Variants in SLC35F4 observed in about 807,000 individuals in gnomAD.
The protein encoded by SLC35F4 is solute carrier family 35 member F4.
Under a neutral mutation model 44.2 loss-of-function variants are expected in SLC35F4, and 24 were observed. The observed-to-expected ratio is 0.54, with a 90% CI of 0.39 to 0.76. SLC35F4 has a LOEUF of 0.76. Ranked by LOEUF, SLC35F4 falls within the 30% of genes least tolerant of loss-of-function variation. The pLI is 0.00. For synonymous variants in SLC35F4, 238 were observed against 223.6 expected (o/e 1.06, Z -0.57); for missense variants, 562 against 586.1 (o/e 0.96, Z 0.42).
rs76177525 is a variant in SLC35F4 at position 57,962,984 on chromosome 14, A to C, written n.282+18929T>G. 9.9e-3 allele frequency among the ~76,000 whole-genome samples: 1,515 copies of C among 152,284 alleles called. 11 individuals carry two copies. Among genetic ancestry groups the C allele is most frequent in the Middle Eastern group, 0.017 (5 of 294 alleles). ...CTAAATAGGGGGGAAAAAAGAAAAA[A>C]AATACTGCTCTGCAGTACTGCCTTG... On this transcript the variant is annotated intron_variant and non_coding_transcript_variant, in intron 1 of 1. Coordinates refer to the SLC35F4 transcript ENST00000556568.
chr14:57,925,296 G>T (rs1889535087), intron 1 of SLC35F4, among the ~76,000 whole-genome samples: 1 of 151,946 alleles, frequency 6.6e-6, no homozygotes, highest in Non-Finnish European at 1.5e-5. Context: ...CAGACTTCAG[G>T]TTGGTTTGTT....
chr14:57,691,051 T>G (rs915296366), intron 1 of SLC35F4, among the ~76,000 whole-genome samples: 1 of 152,126 alleles, frequency 6.6e-6, no homozygotes, highest in African/African-American at 2.4e-5. Context: ...CCCTAGACTG[T>G]GACCTACAAA....
chr14:57,767,184 C>T (rs2077255475), intron 1 of SLC35F4, among the ~76,000 whole-genome samples: 1 of 152,086 alleles, frequency 6.6e-6, no homozygotes, highest in Non-Finnish European at 1.5e-5. Flanking sequence ...AAGTACTAGA[C>T]AGAAAATCAG....
At chr14:57,668,612 G>A (rs1013375251) in intron 1 of SLC35F4, among the ~76,000 whole-genome samples, 2 of 151,932 alleles carry the variant, frequency 1.3e-5, no homozygotes, top group African/African-American at 4.8e-5. Flanking sequence ...TCTTGTTTTT[G>A]TCAGGGTTGT....
At chr14:57,731,901 A>G (rs1470626405) in intron 1 of SLC35F4, among the ~76,000 whole-genome samples, 1 of 152,186 alleles carries the variant, frequency 6.6e-6, no homozygotes, top group Non-Finnish European at 1.5e-5. Flanking sequence ...TAAGCAAGTG[A>G]TGAAGTTTTG....
At chr14:57,888,587 G>T (rs552437850) in intron 1 of SLC35F4, among the ~76,000 whole-genome samples, 4 of 152,048 alleles carry the variant, frequency 2.6e-5, no homozygotes, top group African/African-American at 9.7e-5. Flanking sequence ...TTGCTATTAC[G>T]TTATTATTAT....
intron 1 of SLC35F4, among the ~76,000 whole-genome samples, chr14:57,943,413 G>A (rs1835927229): frequency 6.6e-6 from 1 of 152,184 alleles, no homozygotes. Flanking sequence ...TTTCTCCCAT[G>A]CACAAATGTC....
chr14:57,714,453 G>A (rs1315562588), intron 1 of SLC35F4, among the ~76,000 whole-genome samples: 1 of 152,054 alleles, frequency 6.6e-6, no homozygotes, highest in African/African-American at 2.4e-5. Flanking sequence ...TTCCTTTACA[G>A]AGCAAAACCA....
chr14:57,758,932 C>T (rs1334836805), intron 1 of SLC35F4, among the ~76,000 whole-genome samples: 3 of 152,162 alleles, frequency 2.0e-5, no homozygotes, highest in Admixed American at 1.3e-4. Context: ...ATTCTATCCT[C>T]TTTCTATGAG....
chr14:57,903,381 T>C (rs72624746), intron 1 of SLC35F4, among the ~76,000 whole-genome samples: 18,400 of 152,238 alleles, frequency 0.12, 1,362 homozygotes, highest in East Asian at 0.4. Flanking sequence ...ATTAGGAAAC[T>C]GATCAGATTT....
intron 1 of SLC35F4, among the ~76,000 whole-genome samples, chr14:57,779,196 G>C (rs2140732737): frequency 6.6e-6 from 1 of 152,186 alleles, no homozygotes; most frequent in Non-Finnish European, 1.5e-5. Flanking sequence ...GTGAATCCAG[G>C]AGTTGGTTTT....
At chr14:57,798,245 G>C (rs945757522) in intron 1 of SLC35F4, among the ~76,000 whole-genome samples, 2 of 151,698 alleles carry the variant, frequency 1.3e-5, no homozygotes, top group Non-Finnish European at 2.9e-5. Context: ...ATTGAAAATG[G>C]AGAAAATGCC....
At chr14:57,896,610 TA>T (rs904053316) in intron 1 of SLC35F4, among the ~76,000 whole-genome samples, 2 of 151,976 alleles carry the variant, frequency 1.3e-5, no homozygotes, top group African/African-American at 4.8e-5. Flanking sequence ...TTATCTTATG[TA>T]AAAAAAAGTT....
intron 1 of SLC35F4, among the ~76,000 whole-genome samples, chr14:57,957,231 T>C (rs878925869): frequency 1.3e-5 from 2 of 151,320 alleles, no homozygotes; most frequent in African/African-American, 2.4e-5. Context: ...TAAGTGGGAG[T>C]TGAACAATGA....
intron 1 of SLC35F4, among the ~76,000 whole-genome samples, chr14:57,965,299 T>C (rs1466758256): frequency 1.3e-5 from 2 of 152,068 alleles, no homozygotes; most frequent in Non-Finnish European, 2.9e-5. Context: ...CAGTAGCAGG[T>C]TGAGTCTTTT....
intron 1 of SLC35F4, among the ~76,000 whole-genome samples, chr14:57,897,596 T>C (rs1888908256): frequency 1.3e-5 from 2 of 152,074 alleles, no homozygotes; most frequent in Admixed American, 1.3e-4. Flanking sequence ...GTCCCACCTC[T>C]ACTTCCAACC....
chr14:57,697,392 T>C (rs2140353409), intron 1 of SLC35F4, among the ~76,000 whole-genome samples: 1 of 152,260 alleles, frequency 6.6e-6, no homozygotes, highest in South Asian at 2.1e-4. Context: ...TGAATATGAT[T>C]ATTATAGAAC....
intron 1 of SLC35F4, chr14:57,630,723 C>G (rs1252526947): frequency 3.7e-5 from 20 of 538,364 alleles, no homozygotes; most frequent in Non-Finnish European, 6.1e-5. Context: ...AGGCGTGTGT[C>G]ATTCACTTAT....
intron 1 of SLC35F4, 111 bp downstream of exon 1, chr14:57,865,612 G>C (rs973820880): frequency 1.2e-6 from 1 of 813,674 alleles, no homozygotes; most frequent in Non-Finnish European, 1.8e-6. Context: ...GACAGCGTCC[G>C]CAGGGCTGCA....
Sources: gnomAD v4.1 joint callset for allele counts (sites outside exome capture counted in the v4.1 genomes callset) on GRCh38, gnomAD v4.1.1 for gene constraint, MANE v1.5 for transcripts, NCBI Gene and HGNC (gene_info 2026-07-23, HGNC 2026-07-21) for gene names.